The following FBXL7 variants were observed in gnomAD, a reference collection of about 807,000 sequenced individuals.
The protein encoded by FBXL7 is F-box/LRR-repeat protein 7.
FBXL7 carries 12 observed loss-of-function variants against 38.3 expected under a neutral mutation model. The ratio of observed to expected loss-of-function variants is 0.31; its 90% CI spans 0.20 to 0.51. FBXL7 has a LOEUF of 0.51. FBXL7 is among the 20% of genes least tolerant of loss of function. The probability of loss-of-function intolerance (pLI) is 0.98; values close to 1 mark genes in which losing one functional copy is unlikely to be tolerated. For missense variants in FBXL7, 567 were observed against 676.4 expected (o/e 0.84, Z 1.79); for synonymous variants, 297 against 300.9 (o/e 0.99, Z 0.13).
At chr5:15,592,143 C>A (rs1192952999) in intron 1 of FBXL7, among the ~76,000 whole-genome samples, 1 of 152,178 alleles carries the variant, frequency 6.6e-6, no homozygotes, top group African/African-American at 2.4e-5. Context: ...TGTGTTCATG[C>A]TCTGAGGAAA....
chr5:15,882,724 C>G (rs886873695), intron 2 of FBXL7, among the ~76,000 whole-genome samples: 1 of 152,140 alleles, frequency 6.6e-6, no homozygotes, highest in Non-Finnish European at 1.5e-5. Context: ...TGGAAGAAAA[C>G]CATACCATAT....
chr5:15,886,233 G>A (rs1740672681), intron 2 of FBXL7, among the ~76,000 whole-genome samples: 1 of 151,918 alleles, frequency 6.6e-6, no homozygotes, highest in Admixed American at 6.6e-5. Context: ...GTGTGTGCAT[G>A]CAAATGTATA....
chr5:15,525,715 T>C (rs985634139), intron 1 of FBXL7, among the ~76,000 whole-genome samples: 4 of 152,162 alleles, frequency 2.6e-5, no homozygotes, highest in Admixed American at 2.0e-4. Context: ...AAGGCGATAT[T>C]CTTATATTTA....
At position 15,888,385 on chromosome 5, in the gene FBXL7, G is replaced by A. The variant is rs1243766701; in HGVS notation, c.128-39505G>A. On this transcript the variant is annotated intron_variant, in intron 2 of 3. Transcript: ENST00000504595. ...TGGGATCACAGATGTGTGCCACCAC[G>A]CCTGGCTGATTTTTGTATTTTTTAG... 1.4e-4 allele frequency among the ~76,000 whole-genome samples: 22 copies of A among 151,910 alleles called. No individual in the cohort carries two copies. In the East Asian group the frequency reaches 1.6e-3, roughly 11 times the overall value.
intron 1 of FBXL7, among the ~76,000 whole-genome samples, chr5:15,588,171 G>C (rs1739355377): frequency 6.6e-6 from 1 of 152,152 alleles, no homozygotes. Context: ...TTGCTCAATG[G>C]TGGTAGATTG....
In FBXL7 at chr5:15,626,543, C is replaced by CGTGTGTGTGT. The variant is rs1554010324; in HGVS notation, c.127+10471_127+10472insGTGTGTGTGT. ...GATAGTCTTAGAAGAAAATTCGTTT[C>CGTGTGTGTGT]CTGTGTGTGTGTGTGTGTGTGTGTG... On this transcript the variant is annotated intron_variant, in intron 2 of 3. Coordinates refer to ENST00000504595, the MANE Select transcript of FBXL7 (RefSeq NM_012304.5). 0.033 allele frequency among the ~76,000 whole-genome samples: 3,464 copies of CGTGTGTGTGT among 103,642 alleles called. 261 individuals are homozygous for CGTGTGTGTGT. The East Asian group carries it at 0.35, about 11-fold the overall frequency. 68.0% of individuals were successfully genotyped at this position (103,642 alleles called of 152,430 possible).
intron 2 of FBXL7, among the ~76,000 whole-genome samples, chr5:15,863,294 T>C (rs1422186038): frequency 1.3e-5 from 2 of 152,230 alleles, no homozygotes; most frequent in Non-Finnish European, 2.9e-5. Flanking sequence ...TGTTAACCTT[T>C]TCCACTTGGA....
In FBXL7 at chr5:15,912,369, C is replaced by A. The variant is rs1476728042; in HGVS notation, c.128-15521C>A. Among the ~76,000 whole-genome samples, 4 of 138,120 alleles carry A rather than the reference C, an allele frequency of 2.9e-5. No homozygotes were observed. The Admixed American group carries it at 2.9e-4, about 10-fold the overall frequency. The allele number at this position is 138,120 out of a possible 152,430, so 90.6% of individuals were successfully genotyped here. ...GCGCTTCCCAGGTGAGGCAATGCCT[C>A]GCCCTGCTTCGGCTCGCGCACGGTG... is the stretch of plus-strand genomic sequence containing the variant. On this transcript the variant is annotated intron_variant, in intron 2 of 3. Transcript: ENST00000504595.
At chr5:15,672,527 T>C (rs965217179) in intron 2 of FBXL7, among the ~76,000 whole-genome samples, 1 of 151,872 alleles carries the variant, frequency 6.6e-6, no homozygotes, top group Non-Finnish European at 1.5e-5. Flanking sequence ...TCTGAAGTTA[T>C]ACATTCAAAT....
At chr5:15,745,888 A>T (rs1323650217) in intron 2 of FBXL7, among the ~76,000 whole-genome samples, 1 of 152,154 alleles carries the variant, frequency 6.6e-6, no homozygotes, top group Non-Finnish European at 1.5e-5. Context: ...CTTTTAAAAA[A>T]CCCAAATGTG....
At chr5:15,684,117 A>G (rs1171598785) in intron 2 of FBXL7, among the ~76,000 whole-genome samples, 2 of 152,100 alleles carry the variant, frequency 1.3e-5, no homozygotes, top group African/African-American at 4.8e-5. Context: ...CTGCTCATCC[A>G]TTTCTCCTTT....
intron 2 of FBXL7, among the ~76,000 whole-genome samples, chr5:15,743,931 G>T (rs1735952497): frequency 6.6e-6 from 1 of 152,298 alleles, no homozygotes; most frequent in South Asian, 2.1e-4. Flanking sequence ...CTCTACATTG[G>T]CTTCTTTTAG....
chr5:15,625,607 T>A (rs978850374), intron 2 of FBXL7, among the ~76,000 whole-genome samples: 15 of 152,062 alleles, frequency 9.9e-5, no homozygotes, highest in African/African-American at 3.4e-4. Context: ...TGAGCCAACA[T>A]TACACCACTG....
At chr5:15,520,548 C>A (rs2126373305) in intron 1 of FBXL7, among the ~76,000 whole-genome samples, 1 of 152,258 alleles carries the variant, frequency 6.6e-6, no homozygotes, top group East Asian at 1.9e-4. Flanking sequence ...ATGCTATATG[C>A]CAGATTCTGG....
intron 2 of FBXL7, among the ~76,000 whole-genome samples, chr5:15,795,277 G>A (rs1737386027): frequency 6.6e-6 from 1 of 152,176 alleles, no homozygotes; most frequent in Non-Finnish European, 1.5e-5. Flanking sequence ...GAAGTAATAG[G>A]TATTTACACT....
intron 2 of FBXL7, among the ~76,000 whole-genome samples, chr5:15,724,439 C>T (rs1264368906): frequency 6.6e-6 from 1 of 152,158 alleles, no homozygotes; most frequent in Non-Finnish European, 1.5e-5. Flanking sequence ...ACCGCCACCA[C>T]AATAAGGATT....
intron 1 of FBXL7, among the ~76,000 whole-genome samples, chr5:15,503,839 G>T (rs1258142746): frequency 1.3e-5 from 2 of 152,170 alleles, no homozygotes; most frequent in African/African-American, 4.8e-5. Flanking sequence ...AGTTGACATC[G>T]CTGTGCAAAT....
chr5:15,899,884 A>G (rs1741193743), intron 2 of FBXL7, among the ~76,000 whole-genome samples: 1 of 152,188 alleles, frequency 6.6e-6, no homozygotes, highest in South Asian at 2.1e-4. Context: ...CTTTTTAAAG[A>G]TACACACCTA....
At chr5:15,761,006 A>G (rs1204408414) in intron 2 of FBXL7, among the ~76,000 whole-genome samples, 1 of 151,858 alleles carries the variant, frequency 6.6e-6, no homozygotes, top group African/African-American at 2.4e-5. Context: ...CGAATATTGC[A>G]TGAATGGGAA....
Sources: allele counts gnomAD v4.1 joint callset (sites outside exome capture counted in the v4.1 genomes callset), GRCh38; gene constraint gnomAD v4.1.1; transcripts MANE v1.5; gene names NCBI Gene and HGNC (gene_info 2026-07-23, HGNC 2026-07-21).